Variants in SLC25A16 observed in about 807,000 individuals in gnomAD.
SLC25A16 encodes the protein mitochondrial coenzyme A transporter SLC25A16.
SLC25A16 carries 39 observed loss-of-function variants against 41.5 expected under a neutral mutation model. That is an observed-to-expected ratio of 0.94 (90% CI 0.73 to 1.23). The LOEUF is 1.23. Among genes scored for constraint, SLC25A16 ranks in the 50% most tolerant of loss-of-function variants. SLC25A16 has a pLI of 0.00. For missense variants in SLC25A16, 421 were observed against 426.9 expected (o/e 0.99, Z 0.12); for synonymous variants, 146 against 147.8 (o/e 0.99, Z 0.09).
chr10:68,504,808 G>A (rs1242448354), intron 3 of SLC25A16, among the ~76,000 whole-genome samples: 2 of 152,164 alleles, frequency 1.3e-5, no homozygotes, highest in East Asian at 3.9e-4. Flanking sequence ...AGCCTCCTGA[G>A]TAGCTGGGAT....
chr10:68,482,505 T>C lies in SLC25A16; in HGVS notation c.*927A>G, dbSNP rs2052495686. On this transcript the variant is annotated 3_prime_UTR_variant, in exon 9 of 9. Transcript: ENST00000609923. ...AAACATTTTTTGATATTCACATCTA[T>C]ATTAATAAATATTTCACAGTCTACT... 6.6e-6 allele frequency: 1 copy of C among 152,642 alleles called. No homozygotes were observed. Among genetic ancestry groups the C allele is most frequent in the Admixed American group, 6.5e-5 (1 of 15,274 alleles). The allele number at this position is 152,642 out of a possible 1,614,324, so 9.5% of individuals were successfully genotyped here.
At chr10:68,489,768 G>A (rs1033203885) in intron 6 of SLC25A16, among the ~76,000 whole-genome samples, 1 of 151,932 alleles carries the variant, frequency 6.6e-6, no homozygotes, top group East Asian at 1.9e-4. Flanking sequence ...GGGTGTGGTG[G>A]TGCGCGCCTG....
At chr10:68,484,220 G>C (rs1379800180) in intron 8 of SLC25A16, among the ~76,000 whole-genome samples, 1 of 152,076 alleles carries the variant, frequency 6.6e-6, no homozygotes, top group African/African-American at 2.4e-5. Flanking sequence ...TGTATATCCA[G>C]TTGCCCTTTA....
chr10:68,521,712 G>C (rs2053253433), intron 1 of SLC25A16, among the ~76,000 whole-genome samples: 1 of 148,798 alleles, frequency 6.7e-6, no homozygotes, highest in Non-Finnish European at 1.5e-5. Context: ...TCCTGCCTCA[G>C]CCTCCCAAGT....
At chr10:68,488,652 AC>A in intron 6 of SLC25A16, 23 bp from the exon 7 acceptor site, 1 of 1,589,460 alleles carries the variant, frequency 6.3e-7, no homozygotes, top group Non-Finnish European at 8.6e-7. Flanking sequence ...AAATAAATTC[AC>A]CATGATGCTT....
rs1367051423 is a variant in SLC25A16 at position 68,527,385 on chromosome 10, G to A, written c.-10C>T. 1 of 1,480,538 alleles carries A rather than the reference G, an allele frequency of 6.8e-7. No individual in the cohort carries two copies. The highest frequency in any genetic ancestry group is 2.6e-5 in the East Asian group (1 of 37,962). 91.7% of individuals were successfully genotyped at this position (1,480,538 alleles called of 1,614,324 possible). A position where few individuals can be genotyped will look rare whatever the true frequency, so the allele number is the denominator to read the frequency against. ...CCGTCGCCGCCGCCATCAGGACCAG[G>A]GTCGCGTCAGGAGCCTAGGTTGCCA... On this transcript the variant is annotated 5_prime_UTR_variant, in exon 1 of 9. Transcript: ENST00000609923.
At chr10:68,526,338 T>A (rs534827859) in intron 1 of SLC25A16, among the ~76,000 whole-genome samples, 1 of 152,330 alleles carries the variant, frequency 6.6e-6, no homozygotes, top group South Asian at 2.1e-4. Context: ...GCACAGCACT[T>A]AATCCTTTAC....
Position 68,482,078 on chromosome 10 carries a change from T to A in SLC25A16, c.*1354A>T, listed in dbSNP as rs1198560844. On this transcript the variant is annotated 3_prime_UTR_variant, in exon 9 of 9. Transcript: ENST00000609923. ...AAATACAAAAATTAGCCAGGCGAAT[T>A]TTTGGTGGTGGGCACCTGTAGTCCC... The A allele has an allele frequency of 1.3e-5, 2 of 151,998 alleles. No homozygotes were observed. The highest frequency in any genetic ancestry group is 3.9e-4 in the East Asian group (2 of 5,164). The allele number at this position is 151,998 out of a possible 1,614,324, so 9.4% of individuals were successfully genotyped here.
At chr10:68,524,577 C>T (rs1194900361) in intron 1 of SLC25A16, among the ~76,000 whole-genome samples, 1 of 150,956 alleles carries the variant, frequency 6.6e-6, no homozygotes. Flanking sequence ...GGCACGGTGG[C>T]GAGCACCTGT....
Position 68,493,207 on chromosome 10 carries a change from T to C in SLC25A16, c.544-9A>G, listed in dbSNP as rs768376239. ...CCAAAGAAACCACCTTCCTTTTGAG[T>C]GAAGGAAAATTGCAAGTGAGATTAC... On this transcript the variant is annotated splice_polypyrimidine_tract_variant and intron_variant, in intron 5 of 8. Transcript: ENST00000609923. The C allele has an allele frequency of 1.3e-6, 2 of 1,568,070 alleles. No individual in the cohort carries two copies. The highest frequency in any genetic ancestry group is 3.9e-5 in the Admixed American group (2 of 51,792).
rs1280898632 is a variant in SLC25A16, at chr10:68,478,106, A to G, written c.*5326T>C. ...TAAAGTATAGCATCATAGCTAAAAG[A>G]ATAGGCTCTAGATTCAGACCGGCTG... On this transcript the variant is annotated 3_prime_UTR_variant, in exon 9 of 9. Coordinates refer to ENST00000609923, the MANE Select transcript of SLC25A16 (RefSeq NM_152707.4). The G allele has an allele frequency of 2.6e-5, 4 of 152,220 alleles. No individual in the cohort carries two copies. The highest frequency in any genetic ancestry group is 5.9e-5 in the Non-Finnish European group (4 of 68,044). The allele number at this position is 152,220 out of a possible 1,614,324, so 9.4% of individuals were successfully genotyped here.
intron 1 of SLC25A16, among the ~76,000 whole-genome samples, chr10:68,520,151 GT>G (rs889933581): frequency 6.6e-6 from 1 of 150,772 alleles, no homozygotes; most frequent in Non-Finnish European, 1.5e-5. Flanking sequence ...TAGAGAGAGG[GT>G]TTCACCATGT....
chr10:68,490,240 T>C (rs550111499), intron 6 of SLC25A16, among the ~76,000 whole-genome samples: 1 of 152,116 alleles, frequency 6.6e-6, no homozygotes, highest in East Asian at 1.9e-4. Flanking sequence ...TCAGCTATGA[T>C]TGCACCACTG....
At chr10:68,499,403 A>C (rs1207848791) in intron 4 of SLC25A16, 3 of 161,346 alleles carry the variant, frequency 1.9e-5, no homozygotes, top group African/African-American at 7.2e-5. Context: ...GTTTAGTTCC[A>C]TGGAAACTGG....
intron 1 of SLC25A16, chr10:68,518,243 C>A (rs1007965318): frequency 1.3e-5 from 2 of 150,706 alleles, no homozygotes; most frequent in African/African-American, 4.9e-5. Context: ...TATGGTGAAA[C>A]CCCATTTCTA....
intron 2 of SLC25A16, among the ~76,000 whole-genome samples, chr10:68,510,376 A>C (rs1334955583): frequency 6.7e-6 from 1 of 148,182 alleles, no homozygotes; most frequent in Non-Finnish European, 1.5e-5. Flanking sequence ...TACTAAAAAT[A>C]CAAAAAAAAA....
intron 2 of SLC25A16, among the ~76,000 whole-genome samples, chr10:68,511,662 T>G (rs1231754709): frequency 6.6e-6 from 1 of 152,152 alleles, no homozygotes; most frequent in Non-Finnish European, 1.5e-5. Context: ...TCCTTTCCAG[T>G]TTTTTATAAT....
chr10:68,508,402 T>TAAAA (rs1268162649), intron 2 of SLC25A16, among the ~76,000 whole-genome samples: 1 of 23,330 alleles, frequency 4.3e-5, no homozygotes, highest in Admixed American at 6.5e-4. Context: ...ACAGGAAGCT[T>TAAAA]TAAAAAAAAA....
chr10:68,491,054 T>C (rs1020084284), intron 6 of SLC25A16, among the ~76,000 whole-genome samples: 2 of 151,950 alleles, frequency 1.3e-5, no homozygotes, highest in Non-Finnish European at 2.9e-5. Context: ...TTTTAGAAAA[T>C]TATTTGTAGA....
Sources: allele counts gnomAD v4.1 joint callset (sites outside exome capture counted in the v4.1 genomes callset), GRCh38; gene constraint gnomAD v4.1.1; transcripts MANE v1.5; gene names NCBI Gene and HGNC (gene_info 2026-07-23, HGNC 2026-07-21).